Variants in CCDC146 observed in about 807,000 individuals in gnomAD.
CCDC146 encodes the protein coiled-coil domain-containing protein 146.
In CCDC146, 92 loss-of-function variants were observed where a neutral mutation model predicts 119.3. That is an observed-to-expected ratio of 0.77 (90% CI 0.65 to 0.92). The LOEUF is 0.92. CCDC146 is among the 40% of genes least tolerant of loss of function. The probability of loss-of-function intolerance (pLI) is 0.00; values close to 1 mark genes in which losing one functional copy is unlikely to be tolerated. For missense variants in CCDC146, 1,000 were observed against 1,103.0 expected (o/e 0.91, Z 1.32); for synonymous variants, 372 against 371.8 (o/e 1.00, Z -0.01).
chr7:77,229,351 G>C (rs1396908623), intron 2 of CCDC146, among the ~76,000 whole-genome samples: 1 of 152,084 alleles, frequency 6.6e-6, no homozygotes, highest in Non-Finnish European at 1.5e-5. Flanking sequence ...TTTTGTTTTT[G>C]TTGCAGTTGC....
intron 17 of CCDC146, among the ~76,000 whole-genome samples, chr7:77,289,831 G>T (rs1386682424): frequency 6.6e-6 from 1 of 152,220 alleles, no homozygotes; most frequent in African/African-American, 2.4e-5. Context: ...AAGGGAAGTT[G>T]GCCAGTTACA....
chr7:77,155,420 A>G (rs565637555), intron 1 of CCDC146, among the ~76,000 whole-genome samples: 9 of 152,182 alleles, frequency 5.9e-5, no homozygotes, highest in Admixed American at 2.6e-4. Flanking sequence ...CAGAAGTCAA[A>G]TTGTGTCAGC....
At position 77,282,472 on chromosome 7, in the gene CCDC146, C is replaced by T. The variant is rs1323119562; in HGVS notation, c.1920-85C>T. On this transcript the variant is annotated intron_variant, in intron 14 of 18. Coordinates refer to ENST00000285871, the MANE Select transcript of CCDC146 (RefSeq NM_020879.3). Reference sequence around the variant, plus strand: ...AGTATGCTATGTTGTGTATATCTTGCATCCAAAGCCAGAGGGAACCACAAT... The same window carrying T: ...AGTATGCTATGTTGTGTATATCTTGTATCCAAAGCCAGAGGGAACCACAAT... 6.1e-6 allele frequency: 5 copies of T among 820,428 alleles called. No homozygotes were observed. In the East Asian group the frequency reaches 1.3e-4, roughly 22 times the overall value. 50.8% of individuals were successfully genotyped at this position (820,428 alleles called of 1,614,324 possible).
At chr7:77,232,245 T>C (rs1429001570) in intron 2 of CCDC146, among the ~76,000 whole-genome samples, 1 of 152,192 alleles carries the variant, frequency 6.6e-6, no homozygotes, top group Non-Finnish European at 1.5e-5. Flanking sequence ...GTGTGTGGCT[T>C]GGGAACAACT....
chr7:77,222,239 A>G (rs1792419099), intron 2 of CCDC146, among the ~76,000 whole-genome samples: 1 of 152,182 alleles, frequency 6.6e-6, no homozygotes, highest in African/African-American at 2.4e-5. Flanking sequence ...TTTAAAGACT[A>G]CTTCTGTGAG....
intron 9 of CCDC146, among the ~76,000 whole-genome samples, chr7:77,262,807 C>T (rs1163554039): frequency 6.6e-6 from 1 of 152,212 alleles, no homozygotes; most frequent in Non-Finnish European, 1.5e-5. Context: ...GAGGTGTACT[C>T]CAGTCAGAAG....
At chr7:77,209,242 AT>A (rs1429590897) in intron 2 of CCDC146, among the ~76,000 whole-genome samples, 2 of 152,220 alleles carry the variant, frequency 1.3e-5, no homozygotes, top group Admixed American at 1.3e-4. Flanking sequence ...CGTTGAGTAA[AT>A]ACACCCATTC....
intron 2 of CCDC146, among the ~76,000 whole-genome samples, chr7:77,168,748 C>A (rs1175777850): frequency 6.6e-6 from 1 of 152,056 alleles, no homozygotes; most frequent in African/African-American, 2.4e-5. Flanking sequence ...AAAGAATTTG[C>A]GTGTATCTTT....
chr7:77,157,784 T>C (rs1355492592), intron 1 of CCDC146, among the ~76,000 whole-genome samples: 1 of 152,204 alleles, frequency 6.6e-6, no homozygotes, highest in Non-Finnish European at 1.5e-5. Flanking sequence ...CCTGTTTCTG[T>C]GGTCCAAGTT....
intron 4 of CCDC146, among the ~76,000 whole-genome samples, chr7:77,246,835 CA>C (rs1792959562): frequency 6.6e-6 from 1 of 152,064 alleles, no homozygotes; most frequent in South Asian, 2.1e-4. Flanking sequence ...ATTTGTACAA[CA>C]AAAATCACAA....
intron 1 of CCDC146, among the ~76,000 whole-genome samples, chr7:77,127,137 G>A (rs1790699630): frequency 6.6e-6 from 1 of 152,162 alleles, no homozygotes; most frequent in Admixed American, 6.5e-5. Context: ...GTGGGTGAGA[G>A]GGCAGTGGCA....
In CCDC146 at chr7:77,256,433, T is replaced by TG. The variant is rs778561774; in HGVS notation, c.610dup (p.Ala204GlyfsTer3). The TG allele has an allele frequency of 6.2e-6, 10 of 1,608,004 alleles. No individual in the cohort carries two copies. The highest frequency in any genetic ancestry group is 8.5e-6 in the Non-Finnish European group (10 of 1,177,894). ...GAAATTAAAAATTTACGAGAAGATT[T>TG]GGCATCTAAACAAAAGCAATTATTA... On this transcript the variant is annotated frameshift_variant, in exon 6 of 19. Transcript: ENST00000285871.
chr7:77,184,368 TC>T, intron 2 of CCDC146, among the ~76,000 whole-genome samples: 1 of 152,334 alleles, frequency 6.6e-6, no homozygotes, highest in Middle Eastern at 3.4e-3. Context: ...CCTGCTTTCA[TC>T]ATGAAAGTGT....
chr7:77,144,368 A>T (rs1050665162), intron 1 of CCDC146, among the ~76,000 whole-genome samples: 2 of 151,748 alleles, frequency 1.3e-5, no homozygotes, highest in African/African-American at 4.9e-5. Context: ...GCAAACAGAG[A>T]CAATTTGACT....
chr7:77,192,319 A>T (rs115551076), intron 2 of CCDC146, among the ~76,000 whole-genome samples: 51 of 152,320 alleles, frequency 3.3e-4, no homozygotes, highest in African/African-American at 1.2e-3. Context: ...CTATTTTATA[A>T]TTGAAGGAAC....
intron 9 of CCDC146, among the ~76,000 whole-genome samples, chr7:77,266,355 T>C (rs1372768698): frequency 2.0e-5 from 3 of 152,234 alleles, no homozygotes; most frequent in Admixed American, 2.0e-4. Context: ...AAGGCAATGA[T>C]AACAACATAC....
chr7:77,294,611 T>A, intron 18 of CCDC146, 52 bp from the exon 19 acceptor site: 1 of 1,570,604 alleles, frequency 6.4e-7, no homozygotes, highest in Non-Finnish European at 8.8e-7. Flanking sequence ...AAGGATAAAG[T>A]GACTTCACCA....
At chr7:77,171,961 A>G (rs1267128966) in intron 2 of CCDC146, among the ~76,000 whole-genome samples, 2 of 152,248 alleles carry the variant, frequency 1.3e-5, no homozygotes, top group Non-Finnish European at 2.9e-5. Context: ...ACATGGATGC[A>G]TAATTTATAG....
At chr7:77,209,673 G>A (rs1792146079) in intron 2 of CCDC146, among the ~76,000 whole-genome samples, 1 of 152,202 alleles carries the variant, frequency 6.6e-6, no homozygotes, top group Non-Finnish European at 1.5e-5. Flanking sequence ...CTCCACCCTG[G>A]CATCAGACTT....
Sources: allele counts gnomAD v4.1 joint callset (sites outside exome capture counted in the v4.1 genomes callset), GRCh38; gene constraint gnomAD v4.1.1; transcripts MANE v1.5; gene names NCBI Gene and HGNC (gene_info 2026-07-23, HGNC 2026-07-21).